The following AFF3 variants were observed in gnomAD, a reference collection of about 807,000 sequenced individuals.
AFF3 encodes the protein ALF transcription elongation factor 3.
Under a neutral mutation model 129.7 loss-of-function variants are expected in AFF3, and 32 were observed. The ratio of observed to expected loss-of-function variants is 0.25; its 90% confidence interval spans 0.19 to 0.33. AFF3 has a LOEUF of 0.33. AFF3 is among the 10% of genes least tolerant of loss of function. The pLI is 1.00. For synonymous variants in AFF3, 644 were observed against 635.4 expected (o/e 1.01, Z -0.20); for missense variants, 1,373 against 1,592.0 (o/e 0.86, Z 2.34).
At position 99,639,941 on chromosome 2, in the gene AFF3, C is replaced by T. The variant is rs528970318; in HGVS notation, c.1184+9685G>A. Among the ~76,000 whole-genome samples the T allele has an allele frequency of 9.2e-4, 140 of 152,088 alleles. 5 individuals are homozygous for T. The South Asian group carries it at 0.029, about 31-fold the overall frequency. On this transcript the variant is annotated intron_variant, in intron 13 of 24. Transcript: ENST00000672756. ...CTCCTGGCCTCGAGTGAGGGGAATC[C>T]TAAAGTGCTGGGATTACAGGCGTTA...
At chr2:99,819,410 T>C (rs1687476921) in intron 8 of AFF3, among the ~76,000 whole-genome samples, 1 of 152,216 alleles carries the variant, frequency 6.6e-6, no homozygotes, top group Non-Finnish European at 1.5e-5. Context: ...GAGATTTCCT[T>C]TAAGTAAAGC....
intron 7 of AFF3, among the ~76,000 whole-genome samples, chr2:99,918,087 T>A (rs1348753317): frequency 6.6e-6 from 1 of 152,096 alleles, no homozygotes; most frequent in Non-Finnish European, 1.5e-5. Context: ...AATAAATAAT[T>A]CACTATTCCT....
intron 8 of AFF3, among the ~76,000 whole-genome samples, chr2:99,783,462 T>C (rs577449324): frequency 5.3e-5 from 8 of 152,294 alleles, no homozygotes; most frequent in African/African-American, 1.9e-4. Flanking sequence ...AACTCATCCA[T>C]CTCAGGAACT....
At chr2:99,558,523 G>A (rs1329255358) in intron 22 of AFF3, among the ~76,000 whole-genome samples, 1 of 152,156 alleles carries the variant, frequency 6.6e-6, no homozygotes, top group African/African-American at 2.4e-5. Flanking sequence ...GGGAGGCTGA[G>A]GCAGGAGAAT....
At chr2:99,557,455 C>T (rs1381157238) in intron 22 of AFF3, among the ~76,000 whole-genome samples, 3 of 152,028 alleles carry the variant, frequency 2.0e-5, no homozygotes, top group Admixed American at 1.3e-4. Flanking sequence ...TGTTTTCTAC[C>T]CATTCTGTAT....
intron 7 of AFF3, among the ~76,000 whole-genome samples, chr2:100,002,350 G>GA (rs748548436): frequency 4.6e-5 from 7 of 152,112 alleles, no homozygotes; most frequent in Non-Finnish European, 5.9e-5. Context: ...GTGAACTTTA[G>GA]AAAAAATCAG....
intron 8 of AFF3, among the ~76,000 whole-genome samples, chr2:99,762,125 CT>C (rs113479774): frequency 0.069 from 9,494 of 138,088 alleles, 836 homozygotes; most frequent in African/African-American, 0.22. Flanking sequence ...ATCAATGCCA[CT>C]TTTTTTTTTT....
intron 8 of AFF3, among the ~76,000 whole-genome samples, chr2:99,810,326 T>G (rs1686689832): frequency 6.6e-6 from 1 of 152,240 alleles, no homozygotes; most frequent in South Asian, 2.1e-4. Flanking sequence ...TTGTCTTACC[T>G]GGCCGCTTTA....
intron 7 of AFF3, among the ~76,000 whole-genome samples, chr2:99,925,758 C>T (rs774589309): frequency 2.6e-5 from 4 of 152,174 alleles, no homozygotes; most frequent in African/African-American, 4.8e-5. Flanking sequence ...ATGCTGCATA[C>T]AAGAACATGA....
At chr2:99,610,920 T>C (rs1311004073) in intron 13 of AFF3, among the ~76,000 whole-genome samples, 2 of 152,246 alleles carry the variant, frequency 1.3e-5, no homozygotes, top group Non-Finnish European at 2.9e-5. Flanking sequence ...GGAACTCTGA[T>C]GACACCCACG....
chr2:99,999,415 G>A (rs1681176543), intron 7 of AFF3, among the ~76,000 whole-genome samples: 1 of 152,168 alleles, frequency 6.6e-6, no homozygotes, highest in Non-Finnish European at 1.5e-5. Context: ...CACCCAATAA[G>A]TATCTATTGA....
chr2:99,569,610 G>A (rs539288019), intron 18 of AFF3, among the ~76,000 whole-genome samples: 8 of 152,126 alleles, frequency 5.3e-5, no homozygotes, highest in East Asian at 1.9e-4. Context: ...TGACTCTGCC[G>A]GGAGATGAAG....
intron 10 of AFF3, among the ~76,000 whole-genome samples, chr2:99,731,011 T>A (rs1306963632): frequency 6.6e-6 from 1 of 152,120 alleles, no homozygotes; most frequent in Admixed American, 6.6e-5. Flanking sequence ...TGGAGTGCAG[T>A]GGTGCAATCT....
rs571982374 is a variant in AFF3, at chr2:99,892,669, A to G, written c.874-55145T>C. 2.6e-5 allele frequency among the ~76,000 whole-genome samples: 4 copies of G among 152,258 alleles called. No homozygotes were observed. In the South Asian group the frequency reaches 8.3e-4, roughly 32 times the overall value. On this transcript the variant is annotated intron_variant, in intron 7 of 24. Transcript: ENST00000672756. The stretch of plus-strand genomic sequence containing the variant: ...CTACTCGCATTCCCTCCCCAGCAAC[A>G]CCTGCCCTGGACGGCAGTTCCAGAG...
At chr2:99,606,642 G>A (rs1680364929) in intron 13 of AFF3, among the ~76,000 whole-genome samples, 1 of 152,040 alleles carries the variant, frequency 6.6e-6, no homozygotes, top group African/African-American at 2.4e-5. Context: ...TTCAGGACGG[G>A]CGCGGTGGCT....
At chr2:99,582,671 C>G in intron 17 of AFF3, 127 bp downstream of exon 17, 1 of 972,016 alleles carries the variant, frequency 1.0e-6, no homozygotes, top group Non-Finnish European at 1.5e-6. Flanking sequence ...TTCCTAGAAG[C>G]GGGAGGCATT....
intron 7 of AFF3, among the ~76,000 whole-genome samples, chr2:99,872,505 G>A (rs1329535713): frequency 1.3e-5 from 2 of 151,642 alleles, no homozygotes; most frequent in Non-Finnish European, 2.9e-5. Flanking sequence ...AGAAATCCTA[G>A]GTCTCATTTT....
intron 8 of AFF3, among the ~76,000 whole-genome samples, chr2:99,780,901 C>T (rs1427681576): frequency 6.6e-6 from 1 of 152,152 alleles, no homozygotes; most frequent in African/African-American, 2.4e-5. Flanking sequence ...CTTGCTTCCA[C>T]CCTTGTTCCC....
At chr2:99,964,772 C>T (rs577923837) in intron 7 of AFF3, among the ~76,000 whole-genome samples, 1 of 152,136 alleles carries the variant, frequency 6.6e-6, no homozygotes, top group Non-Finnish European at 1.5e-5. Flanking sequence ...TCCTAGGACA[C>T]AAGGGCAACA....
Sources: allele counts gnomAD v4.1 joint callset (sites outside exome capture counted in the v4.1 genomes callset), GRCh38; gene constraint gnomAD v4.1.1; transcripts MANE v1.5; gene names NCBI Gene and HGNC (gene_info 2026-07-23, HGNC 2026-07-21).